Variants in FMNL2 observed in about 807,000 individuals in gnomAD.
The protein encoded by FMNL2 is formin like 2, also known as formin-like protein 2.
Under a neutral mutation model 130.2 loss-of-function variants are expected in FMNL2, and 51 were observed. That is an observed-to-expected ratio of 0.39 (90% CI 0.31 to 0.49). The LOEUF (loss-of-function observed/expected upper bound fraction) is 0.49, where lower values mean the gene tolerates loss of function less well. Ranked by LOEUF, FMNL2 falls within the 20% of genes least tolerant of loss-of-function variation. The probability of loss-of-function intolerance (pLI) is 0.85; values close to 1 mark genes in which losing one functional copy is unlikely to be tolerated. For missense variants in FMNL2, 977 were observed against 1,316.2 expected (o/e 0.74, Z 3.99); for synonymous variants, 465 against 467.1 (o/e 1.00, Z 0.06).
intron 1 of FMNL2, among the ~76,000 whole-genome samples, chr2:152,392,737 C>T (rs190250129): frequency 4.6e-5 from 7 of 152,320 alleles, no homozygotes; most frequent in Admixed American, 3.9e-4. Context: ...GGAAGGGACA[C>T]ATTCAAACCA....
chr2:152,343,750 C>T lies in FMNL2; in HGVS notation c.117+8030C>T, dbSNP rs573343606. On this transcript the variant is annotated intron_variant, in intron 1 of 25. Coordinates refer to ENST00000288670, the MANE Select transcript of FMNL2 (RefSeq NM_052905.4). The stretch of plus-strand genomic sequence containing the variant: ...TTCCCTTCCTTGTTTTTTTTCTCTC[C>T]GTGGAAGTTTGGCAGAACACCTTAT... Among the ~76,000 whole-genome samples, 44 of 152,066 alleles carry T rather than the reference C, an allele frequency of 2.9e-4. No homozygotes were observed. In the South Asian group the frequency reaches 5.8e-3, roughly 20 times the overall value.
chr2:152,470,706 A>G (rs1447986880), intron 1 of FMNL2, among the ~76,000 whole-genome samples: 1 of 152,206 alleles, frequency 6.6e-6, no homozygotes, highest in African/African-American at 2.4e-5. Flanking sequence ...ATTTTGGATC[A>G]TATGCCGGAT....
intron 1 of FMNL2, among the ~76,000 whole-genome samples, chr2:152,369,808 T>C (rs1683770123): frequency 6.6e-6 from 1 of 152,246 alleles, no homozygotes; most frequent in Admixed American, 6.5e-5. Flanking sequence ...ACTTTTCTTC[T>C]TTCTTTTTAA....
At chr2:152,406,982 A>G (rs6718584) in intron 1 of FMNL2, among the ~76,000 whole-genome samples, 143,442 of 152,190 alleles carry the variant, frequency 0.94, 67,778 homozygotes, top group East Asian at 1. Context: ...TAATCTTGAG[A>G]GGAAAGATTA....
intron 1 of FMNL2, among the ~76,000 whole-genome samples, chr2:152,441,810 G>A (rs180786257): frequency 6.7e-5 from 10 of 149,356 alleles, no homozygotes; most frequent in Admixed American, 5.4e-4. Flanking sequence ...ACTCCAGCCT[G>A]GGCAACAGAG....
At chr2:152,418,361 T>C (rs1686728273) in intron 1 of FMNL2, among the ~76,000 whole-genome samples, 1 of 152,180 alleles carries the variant, frequency 6.6e-6, no homozygotes, top group African/African-American at 2.4e-5. Flanking sequence ...ATTAAGTACA[T>C]TTGTATTGTT....
At chr2:152,530,490 AACC>A (rs938729545) in intron 2 of FMNL2, among the ~76,000 whole-genome samples, 4 of 152,304 alleles carry the variant, frequency 2.6e-5, no homozygotes, top group African/African-American at 9.6e-5. Flanking sequence ...TTTTTGAGAA[AACC>A]ACCATACAAT....
chr2:152,367,144 C>T (rs1416012364), intron 1 of FMNL2, among the ~76,000 whole-genome samples: 5 of 150,290 alleles, frequency 3.3e-5, no homozygotes, highest in South Asian at 4.2e-4. Context: ...AGTGTGATCC[C>T]GGCTCACTGC....
At chr2:152,358,219 C>T (rs566837077) in intron 1 of FMNL2, among the ~76,000 whole-genome samples, 20 of 152,270 alleles carry the variant, frequency 1.3e-4, no homozygotes, top group African/African-American at 3.4e-4. Flanking sequence ...CAGGGGCTCT[C>T]GGGCATTTGG....
chr2:152,405,041 G>A (rs955315326), intron 1 of FMNL2, among the ~76,000 whole-genome samples: 1 of 152,164 alleles, frequency 6.6e-6, no homozygotes, highest in Non-Finnish European at 1.5e-5. Context: ...AGGCACATCC[G>A]TATTCTGACA....
intron 1 of FMNL2, among the ~76,000 whole-genome samples, chr2:152,427,304 T>C (rs1404032092): frequency 1.3e-5 from 2 of 152,160 alleles, no homozygotes; most frequent in African/African-American, 4.8e-5. Context: ...ACCAGCACTT[T>C]GGGAGGCTGA....
intron 1 of FMNL2, among the ~76,000 whole-genome samples, chr2:152,414,492 G>A (rs1378592216): frequency 6.6e-6 from 1 of 152,172 alleles, no homozygotes; most frequent in Non-Finnish European, 1.5e-5. Context: ...TGAGCTGTGA[G>A]CTCCCTAGAA....
intron 1 of FMNL2, among the ~76,000 whole-genome samples, chr2:152,470,787 T>A (rs996112121): frequency 6.6e-6 from 1 of 152,194 alleles, no homozygotes; most frequent in Non-Finnish European, 1.5e-5. Flanking sequence ...GAATCGTATG[T>A]TCTGGTTATT....
At chr2:152,491,167 G>A (rs1268612154) in intron 1 of FMNL2, among the ~76,000 whole-genome samples, 1 of 152,108 alleles carries the variant, frequency 6.6e-6, no homozygotes, top group Non-Finnish European at 1.5e-5. Context: ...TGTGAAAAAA[G>A]CCAGTAAAAA....
intron 1 of FMNL2, among the ~76,000 whole-genome samples, chr2:152,440,886 A>G (rs1040008573): frequency 6.6e-6 from 1 of 152,244 alleles, no homozygotes; most frequent in African/African-American, 2.4e-5. Context: ...AAATATGACT[A>G]AATCTTGCCA....
At chr2:152,452,046 C>T (rs1047616920) in intron 1 of FMNL2, among the ~76,000 whole-genome samples, 2 of 152,166 alleles carry the variant, frequency 1.3e-5, no homozygotes, top group Non-Finnish European at 2.9e-5. Flanking sequence ...CATGCCAGGA[C>T]AATGCCACAG....
chr2:152,521,490 T>C (rs190508419), intron 1 of FMNL2, among the ~76,000 whole-genome samples: 2 of 152,312 alleles, frequency 1.3e-5, no homozygotes, highest in Admixed American at 1.3e-4. Flanking sequence ...TTTTTTTTTT[T>C]AATTCTTTTC....
intron 2 of FMNL2, chr2:152,539,357 G>T: frequency 6.1e-6 from 1 of 162,606 alleles, no homozygotes; most frequent in South Asian, 1.6e-4. Context: ...GTGGAATCAA[G>T]AGTGAACTTC....
At chr2:152,351,707 G>T (rs1192117539) in intron 1 of FMNL2, among the ~76,000 whole-genome samples, 1 of 152,094 alleles carries the variant, frequency 6.6e-6, no homozygotes. Context: ...AATCTTTTGG[G>T]TATATACCCA....
Sources: allele counts gnomAD v4.1 joint callset (sites outside exome capture counted in the v4.1 genomes callset), GRCh38; gene constraint gnomAD v4.1.1; transcripts MANE v1.5; gene names NCBI Gene and HGNC (gene_info 2026-07-23, HGNC 2026-07-21).